Variants in CACNA1A observed in about 807,000 individuals in gnomAD.
CACNA1A encodes voltage-dependent P/Q-type calcium channel subunit alpha-1A.
In CACNA1A, 57 loss-of-function variants were observed where a neutral mutation model predicts 262.4. The observed-to-expected ratio is 0.22, with a 90% confidence interval of 0.18 to 0.27. CACNA1A has a LOEUF of 0.27. CACNA1A is among the 10% of genes least tolerant of loss of function. The probability of loss-of-function intolerance (pLI) is 1.00; values close to 1 mark genes in which losing one functional copy is unlikely to be tolerated. For missense variants in CACNA1A, 2,526 were observed against 3,562.8 expected (o/e 0.71, Z 7.41); for synonymous variants, 1,431 against 1,419.3 (o/e 1.01, Z -0.18).
chr19:13,213,979 C>T (rs919465744), intron 40 of CACNA1A: 2 of 481,316 alleles, frequency 4.2e-6, no homozygotes, highest in Admixed American at 6.8e-5. Context: ...CACCACCATG[C>T]CTGGCTAATG....
intron 24 of CACNA1A, among the ~76,000 whole-genome samples, chr19:13,268,462 C>G (rs1221754238): frequency 6.8e-6 from 1 of 147,362 alleles, no homozygotes; most frequent in Non-Finnish European, 1.5e-5. Flanking sequence ...GAAACGGAGT[C>G]TCGCTCTGTC....
intron 31 of CACNA1A, among the ~76,000 whole-genome samples, chr19:13,238,072 G>A (rs755825192): frequency 6.6e-6 from 1 of 152,192 alleles, no homozygotes; most frequent in Non-Finnish European, 1.5e-5. Context: ...AGACACATGA[G>A]GCAGGTAGGG....
chr19:13,441,930 A>G (rs1009030281), intron 3 of CACNA1A, among the ~76,000 whole-genome samples: 5 of 152,174 alleles, frequency 3.3e-5, no homozygotes, highest in Non-Finnish European at 7.3e-5. Context: ...CTCCAGCCCC[A>G]CAGGGAAAAT....
intron 19 of CACNA1A, among the ~76,000 whole-genome samples, chr19:13,290,764 T>C (rs2057517742): frequency 6.6e-6 from 1 of 152,018 alleles, no homozygotes; most frequent in African/African-American, 2.4e-5. Context: ...CACATATATA[T>C]ACACATTTCA....
At chr19:13,336,791 A>C (rs1398781065) in intron 6 of CACNA1A, among the ~76,000 whole-genome samples, 2 of 152,230 alleles carry the variant, frequency 1.3e-5, no homozygotes, top group East Asian at 3.9e-4. Context: ...ACTGAGGCTT[A>C]GAAAGACAAA....
chr19:13,420,278 G>T lies in CACNA1A; in HGVS notation c.539+32598C>A, dbSNP rs557178513. On this transcript the variant is annotated intron_variant, in intron 3 of 46. Coordinates refer to ENST00000360228, the MANE Select transcript of CACNA1A (RefSeq NM_001127222.2). ...TCGCTCTCTCTCTCAAGCAGAAGGA[G>T]GCTCACTTCATGGTCTCTTTTCTTA... Among the ~76,000 whole-genome samples the T allele has an allele frequency of 1.5e-4, 23 of 151,508 alleles. No individual in the cohort carries two copies. The South Asian group carries it at 4.6e-3, about 30-fold the overall frequency.
Position 13,207,453 on chromosome 19 carries a change from C to G in CACNA1A, c.7381G>C (p.Ala2461Pro), listed in dbSNP as rs777898817. ...CCGTGCCGAGAAGGCGAGGCGCAGG[C>G]CGGGCCCGAGGCCCGGGGAGTCCTG... ...SPRTPRASGP[A>P]CASPSRHGRR... Residue 2461 changes from alanine to proline, a missense_variant, in exon 47 of 47, where the codon GCC becomes CCC. By Grantham distance (27) the Ala-to-Pro change is conservative. Transcript: ENST00000360228. This position sits in a 1 kb window ranked among gnomAD's most constrained non-coding sequence, Gnocchi z 5.7. The G allele has an allele frequency of 1.3e-6, 2 of 1,503,686 alleles. No homozygotes were observed. The highest frequency in any genetic ancestry group is 2.7e-5 in the East Asian group (1 of 37,420). The allele number at this position is 1,503,686 out of a possible 1,614,324, so 93.1% of individuals were successfully genotyped here. A position where few individuals can be genotyped will look rare whatever the true frequency, so the allele number is the denominator to read the frequency against.
chr19:13,461,670 G>T (rs536726110), intron 1 of CACNA1A, among the ~76,000 whole-genome samples: 3 of 152,160 alleles, frequency 2.0e-5, no homozygotes, highest in Non-Finnish European at 1.5e-5. Context: ...TGATCCTCCC[G>T]ATTTAGAAAG....
chr19:13,327,300 CCTTT>C (rs1344232208), intron 10 of CACNA1A, among the ~76,000 whole-genome samples: 5 of 151,894 alleles, frequency 3.3e-5, no homozygotes, highest in African/African-American at 7.3e-5. Context: ...ATTGGGGGCT[CCTTT>C]CTTTGTCTTT....
rs531699519 is a variant in CACNA1A at position 13,424,873 on chromosome 19, T to C, written c.539+28003A>G. Among the ~76,000 whole-genome samples the C allele has an allele frequency of 4.6e-5, 7 of 152,200 alleles. No homozygotes were observed. The South Asian group carries it at 1.5e-3, about 32-fold the overall frequency. ...AGGCTGGAGTGCAGTGGTGCGATCTTGGCTCACTGCAACCTCTGCCTCCCG... is the reference window on the plus strand; with the variant it reads ...AGGCTGGAGTGCAGTGGTGCGATCTCGGCTCACTGCAACCTCTGCCTCCCG... On this transcript the variant is annotated intron_variant, in intron 3 of 46. Coordinates refer to ENST00000360228, the MANE Select transcript of CACNA1A (RefSeq NM_001127222.2).
intron 36 of CACNA1A, chr19:13,229,552 A>G (rs747395833): frequency 1.3e-5 from 2 of 152,626 alleles, no homozygotes; most frequent in Non-Finnish European, 2.9e-5. Context: ...TGTGGCCACA[A>G]AGATGCATGG....
At chr19:13,369,254 G>A (rs2059275620) in intron 4 of CACNA1A, among the ~76,000 whole-genome samples, 1 of 152,080 alleles carries the variant, frequency 6.6e-6, no homozygotes, top group African/African-American at 2.4e-5. Flanking sequence ...TATCTCACCT[G>A]GGAGCTACTG....
chr19:13,478,342 G>C (rs1978815159), intron 1 of CACNA1A, among the ~76,000 whole-genome samples: 1 of 152,118 alleles, frequency 6.6e-6, no homozygotes, highest in African/African-American at 2.4e-5. Flanking sequence ...CATTTTTACA[G>C]ACAGGGTCTC....
chr19:13,285,035 G>GC (rs751969812), intron 21 of CACNA1A, 33 bp downstream of exon 21: 17 of 1,611,738 alleles, frequency 1.1e-5, no homozygotes, highest in Non-Finnish European at 1.3e-5. Context: ...GGAGCCCCAG[G>GC]CCCCCCCTGC....
At chr19:13,342,698 C>A (rs2058695042) in intron 6 of CACNA1A, among the ~76,000 whole-genome samples, 2 of 152,128 alleles carry the variant, frequency 1.3e-5, no homozygotes, top group African/African-American at 4.8e-5. Context: ...GTGGGACCTT[C>A]TAGCATTCCT....
rs1419202749 is a variant in CACNA1A at position 13,207,455 on chromosome 19, G to A, written c.7379C>T (p.Pro2460Leu). The A allele has an allele frequency of 2.7e-6, 4 of 1,501,706 alleles. No homozygotes were observed. The highest frequency in any genetic ancestry group is 3.5e-6 in the Non-Finnish European group (4 of 1,128,850). The allele number at this position is 1,501,706 out of a possible 1,614,324, so 93.0% of individuals were successfully genotyped here. ...RSPRTPRASGPACASPSRHGR... is the reference protein window; with the variant it reads ...RSPRTPRASGLACASPSRHGR... ...GTGCCGAGAAGGCGAGGCGCAGGCC[G>A]GGCCCGAGGCCCGGGGAGTCCTGGG... is the stretch of plus-strand genomic sequence containing the variant. Residue 2460 changes from proline (P) to leucine (L), a missense_variant, in exon 47 of 47, where the codon CCG becomes CTG. Physicochemically the swap from Pro to Leu is moderately conservative, Grantham distance 98 (BLOSUM62 -3). Transcript: ENST00000360228. The surrounding 1 kb of genome is among the most constrained non-coding windows in gnomAD (Gnocchi z 5.7).
chr19:13,238,993 C>T (rs1375878853), intron 31 of CACNA1A, among the ~76,000 whole-genome samples: 2 of 152,158 alleles, frequency 1.3e-5, no homozygotes, highest in African/African-American at 4.8e-5. Context: ...ACTGTTCTCT[C>T]TCCTCCACTG....
intron 1 of CACNA1A, among the ~76,000 whole-genome samples, chr19:13,464,909 G>T (rs1376769079): frequency 6.6e-6 from 1 of 151,130 alleles, no homozygotes; most frequent in Non-Finnish European, 1.5e-5. Flanking sequence ...CTTTTCTTTT[G>T]GTTTCTTTTC....
chr19:13,308,308 G>A lies in CACNA1A; in HGVS notation c.1782-57C>T. On this transcript the variant is annotated intron_variant, in intron 13 of 46. Coordinates refer to ENST00000360228, the MANE Select transcript of CACNA1A (RefSeq NM_001127222.2). The surrounding 1 kb of genome is among the most constrained non-coding windows in gnomAD (Gnocchi z 4.2). Reference sequence around the variant, plus strand: ...CAGGCGGGGGAGGCAGGGCCCCGGAGTCAGCCCTCGAAACACGAGGCTCAC... The same window carrying A: ...CAGGCGGGGGAGGCAGGGCCCCGGAATCAGCCCTCGAAACACGAGGCTCAC... 1.3e-6 allele frequency: 2 copies of A among 1,581,404 alleles called. No individual in the cohort carries two copies. The highest frequency in any genetic ancestry group is 8.6e-7 in the Non-Finnish European group (1 of 1,161,546).
Sources: gnomAD v4.1 joint callset for allele counts (sites outside exome capture counted in the v4.1 genomes callset) on GRCh38, gnomAD v4.1.1 for gene constraint, Gnocchi (gnomAD v3.1) non-coding constraint, MANE v1.5 for transcripts, NCBI Gene and HGNC (gene_info 2026-07-23, HGNC 2026-07-21) for gene names.